Variants in SYN3 observed in about 807,000 individuals in gnomAD.
SYN3 encodes synapsin III, also known as synapsin-3.
In SYN3, 35 loss-of-function variants were observed where a neutral mutation model predicts 65.8. The observed-to-expected ratio is 0.53, with a 90% CI of 0.41 to 0.70. The LOEUF (loss-of-function observed/expected upper bound fraction) is 0.70. Among genes scored for constraint, SYN3 ranks in the 30% least tolerant of loss-of-function variants. The pLI is 0.00. For missense variants in SYN3, 680 were observed against 749.0 expected (o/e 0.91, Z 1.08); for synonymous variants, 270 against 292.9 (o/e 0.92, Z 0.80).
At chr22:32,644,221 A>G (rs1465403177) in intron 6 of SYN3, among the ~76,000 whole-genome samples, 1 of 152,078 alleles carries the variant, frequency 6.6e-6, no homozygotes, top group African/African-American at 2.4e-5. Flanking sequence ...TGTGCTAGGC[A>G]GGACATACAA....
intron 6 of SYN3, among the ~76,000 whole-genome samples, chr22:32,822,636 T>C (rs1014742848): frequency 3.3e-5 from 5 of 152,226 alleles, no homozygotes; most frequent in African/African-American, 9.6e-5. Context: ...GCAAATAGAC[T>C]GCTTAGATTA....
chr22:32,687,443 C>T (rs2060606098), intron 6 of SYN3, among the ~76,000 whole-genome samples: 2 of 32 alleles, frequency 0.062, no homozygotes, highest in Admixed American at 0.25. Context: ...GGATTACAGG[C>T]ATGAGCACCA....
At chr22:32,905,851 C>A (rs1332721358) in intron 4 of SYN3, among the ~76,000 whole-genome samples, 1 of 152,230 alleles carries the variant, frequency 6.6e-6, no homozygotes, top group Non-Finnish European at 1.5e-5. Context: ...AGGGTTCGTG[C>A]CCTTTCATTC....
chr22:32,514,702 T>C (rs948589808), intron 13 of SYN3: 5 of 152,254 alleles, frequency 3.3e-5, no homozygotes, highest in African/African-American at 2.4e-5. Context: ...CTGCATGTGA[T>C]GCTGTCATCA....
chr22:32,707,880 A>G (rs543320053), intron 6 of SYN3, among the ~76,000 whole-genome samples: 1 of 152,248 alleles, frequency 6.6e-6, no homozygotes, highest in East Asian at 1.9e-4. Context: ...CTGTCTCCTC[A>G]ACTGCAAAAT....
chr22:32,750,179 G>A (rs2045071799), intron 6 of SYN3, among the ~76,000 whole-genome samples: 1 of 152,186 alleles, frequency 6.6e-6, no homozygotes, highest in African/African-American at 2.4e-5. Context: ...TGGGAGATGA[G>A]CTACAGAGAA....
intron 6 of SYN3, among the ~76,000 whole-genome samples, chr22:32,753,280 G>A (rs2045192550): frequency 6.6e-6 from 1 of 152,142 alleles, no homozygotes; most frequent in Non-Finnish European, 1.5e-5. Flanking sequence ...TCCAAGTCAG[G>A]CCGGTGGGAG....
intron 1 of SYN3, among the ~76,000 whole-genome samples, chr22:33,051,324 G>A (rs969994937): frequency 6.6e-5 from 10 of 152,164 alleles, no homozygotes; most frequent in East Asian, 1.9e-4. Flanking sequence ...TTGGAGGACC[G>A]CAAGAGATAG....
intron 6 of SYN3, among the ~76,000 whole-genome samples, chr22:32,701,385 A>C (rs1217009568): frequency 2.0e-5 from 3 of 152,242 alleles, no homozygotes; most frequent in Non-Finnish European, 4.4e-5. Context: ...CCCAGCATCC[A>C]GTAAAAAATT....
At chr22:33,016,018 G>T (rs1406986957) in intron 1 of SYN3, among the ~76,000 whole-genome samples, 1 of 151,344 alleles carries the variant, frequency 6.6e-6, no homozygotes, top group Non-Finnish European at 1.5e-5. Context: ...AATTTTTTTT[G>T]TATTTTTAGT....
chr22:32,780,131 C>T (rs560752811), intron 6 of SYN3, among the ~76,000 whole-genome samples: 2 of 151,862 alleles, frequency 1.3e-5, no homozygotes, highest in African/African-American at 2.4e-5. Context: ...TGACTGAGCC[C>T]GAAGCCTTCT....
chr22:32,904,627 G>C (rs765127964), intron 4 of SYN3, among the ~76,000 whole-genome samples: 21 of 151,650 alleles, frequency 1.4e-4, no homozygotes, highest in Non-Finnish European at 2.8e-4. Flanking sequence ...CAGTTTTTTC[G>C]ACCATCTTCC....
At chr22:32,705,068 T>C (rs1432852601) in intron 6 of SYN3, among the ~76,000 whole-genome samples, 2 of 152,252 alleles carry the variant, frequency 1.3e-5, no homozygotes, top group Admixed American at 1.3e-4. Flanking sequence ...TTAGATCTCA[T>C]TTGTCAATTT....
At chr22:32,559,940 G>A (rs1029338588) in intron 7 of SYN3, among the ~76,000 whole-genome samples, 2 of 152,238 alleles carry the variant, frequency 1.3e-5, no homozygotes, top group Non-Finnish European at 2.9e-5. Context: ...GCACTAAGAG[G>A]CAAAATGGCG....
At chr22:33,043,503 A>G (rs759943606) in intron 1 of SYN3, among the ~76,000 whole-genome samples, 3 of 152,106 alleles carry the variant, frequency 2.0e-5, no homozygotes, top group Non-Finnish European at 4.4e-5. Context: ...AGCTGAGATC[A>G]CGCCATTGCA....
At chr22:32,735,032 C>T (rs1196317989) in intron 6 of SYN3, among the ~76,000 whole-genome samples, 2 of 152,266 alleles carry the variant, frequency 1.3e-5, no homozygotes, top group Non-Finnish European at 2.9e-5. Context: ...GGGGCAATTG[C>T]GCAGGATTTG....
At chr22:32,722,584 C>G (rs1405649455) in intron 6 of SYN3, among the ~76,000 whole-genome samples, 2 of 152,204 alleles carry the variant, frequency 1.3e-5, no homozygotes, top group Non-Finnish European at 1.5e-5. Flanking sequence ...GCCAAGGAGT[C>G]AGGCGGATAG....
intron 1 of SYN3, chr22:33,057,626 G>A (rs2054275837): frequency 6.6e-6 from 1 of 152,574 alleles, no homozygotes; most frequent in Admixed American, 6.6e-5. Flanking sequence ...TCCTCCTACT[G>A]TCCCTCTTAG....
chr22:32,650,497 C>T (rs1004684841), intron 6 of SYN3, among the ~76,000 whole-genome samples: 1 of 152,080 alleles, frequency 6.6e-6, no homozygotes, highest in African/African-American at 2.4e-5. Flanking sequence ...AACTCCTGGG[C>T]TCAAGCGATC....
Sources: allele counts gnomAD v4.1 joint callset (sites outside exome capture counted in the v4.1 genomes callset), GRCh38; gene constraint gnomAD v4.1.1; transcripts MANE v1.5; gene names NCBI Gene and HGNC (gene_info 2026-07-23, HGNC 2026-07-21).